SEMA4A: variants seen among roughly 807,000 people sequenced by gnomAD.
SEMA4A encodes semaphorin 4A.
A neutral mutation model predicts 72.5 loss-of-function variants in SEMA4A; 52 were observed. The ratio of observed to expected loss-of-function variants is 0.72; its 90% confidence interval spans 0.57 to 0.90. The LOEUF (loss-of-function observed/expected upper bound fraction) is 0.90, where lower values mean the gene tolerates loss of function less well. Among genes scored for constraint, SEMA4A ranks in the 40% least tolerant of loss-of-function variants. The pLI is 0.00. For missense variants in SEMA4A, 926 were observed against 959.7 expected, an observed-to-expected ratio of 0.96 and a Z score of 0.46; for synonymous variants, 369 against 393.1, an observed-to-expected ratio of 0.94 and a Z score of 0.73.
upstream of SEMA4A, among the ~76,000 whole-genome samples, chr1:156,148,026 A>G (rs73006726): frequency 0.021 from 3,220 of 152,290 alleles, 109 homozygotes; most frequent in African/African-American, 0.074. Context: ...GGAGGCCCCC[A>G]AAGTCCGGCT....
intron 11 of SEMA4A, among the ~76,000 whole-genome samples, 181 bp from the exon 12 acceptor site, chr1:156,174,641 T>C (rs944785639): frequency 1.3e-5 from 2 of 152,184 alleles, no homozygotes; most frequent in African/African-American, 2.4e-5. Context: ...CAAGGGATTT[T>C]AGTCATTTAC....
At chr1:156,170,452 T>TAC (rs1337458287) in intron 10 of SEMA4A, among the ~76,000 whole-genome samples, 4 of 47,040 alleles carry the variant, frequency 8.5e-5, no homozygotes, top group Admixed American at 3.1e-4. Flanking sequence ...AACAGAGCGA[T>TAC]ACTGTCTCAA....
At position 156,160,975 on chromosome 1, in the gene SEMA4A, C is replaced by G; in HGVS notation, c.756C>G (p.Ser252Arg). The G allele has an allele frequency of 6.2e-7, 1 of 1,612,460 alleles. No individual in the cohort carries two copies. Among genetic ancestry groups the G allele is most frequent in the South Asian group, 1.1e-5 (1 of 90,970 alleles). ...VVYFFFEETA[S>R]EFDFFERLHT... ...ACTTCTTCTTCGAGGAGACAGCCAGCGAGTTTGACTTCTTTGAGAGGCTCC... is the reference window on the plus strand; with the variant it reads ...ACTTCTTCTTCGAGGAGACAGCCAGGGAGTTTGACTTCTTTGAGAGGCTCC... Residue 252 changes from serine to arginine, a missense_variant, in exon 8 of 15, where the codon AGC becomes AGG. Coordinates refer to ENST00000368285, the MANE Select transcript of SEMA4A (RefSeq NM_022367.4).
rs555300408 is a variant in SEMA4A at position 156,177,105 on chromosome 1, C to A, written c.*108C>A. Reference sequence around the variant, plus strand: ...CAGCAGCACAAAAGACCACCTTTCTCCCCTGAGAGGAGCTTCTGCTACTCT... The same window carrying A: ...CAGCAGCACAAAAGACCACCTTTCTACCCTGAGAGGAGCTTCTGCTACTCT... On this transcript the variant is annotated 3_prime_UTR_variant, in exon 15 of 15. Transcript: ENST00000368285. The A allele has an allele frequency of 2.1e-6, 2 of 953,746 alleles. No homozygotes were observed. The highest frequency in any genetic ancestry group is 1.6e-5 in the African/African-American group (1 of 61,694). The allele number at this position is 953,746 out of a possible 1,614,324, so 59.1% of individuals were successfully genotyped here.
intron 14 of SEMA4A, 94 bp from the exon 15 acceptor site, chr1:156,176,311 A>AAT: frequency 1.0e-6 from 1 of 958,314 alleles, no homozygotes; most frequent in Non-Finnish European, 1.6e-6. Context: ...AAAAAAAAAA[A>AAT]GAGGGCTGGG....
Position 156,177,383 on chromosome 1 carries a change from T to TAAACAATC in SEMA4A, c.*388_*395dup. 1 of 325,966 alleles carries TAAACAATC rather than the reference T, an allele frequency of 3.1e-6. No individual in the cohort carries two copies. The highest frequency in any genetic ancestry group is 7.6e-5 in the East Asian group (1 of 13,186). 20.2% of individuals were successfully genotyped at this position (325,966 alleles called of 1,614,324 possible). A position where few individuals can be genotyped will look rare whatever the true frequency, so the allele number is the denominator to read the frequency against. On this transcript the variant is annotated 3_prime_UTR_variant, in exon 15 of 15. Transcript: ENST00000368285. ...CCTATGGTAATGAACACCAAACATC[T>TAAACAATC]AAACAATCATATGCTAACATGCCAC...
At chr1:156,170,927 AT>A (rs202200052) in intron 10 of SEMA4A, among the ~76,000 whole-genome samples, 1 of 151,152 alleles carries the variant, frequency 6.6e-6, no homozygotes, top group African/African-American at 2.4e-5. Flanking sequence ...TCAAAAAACA[AT>A]TTTTTAAAAA....
rs966349084 is a variant in SEMA4A, at chr1:156,176,916, C to A, written c.2205C>A (p.His735Gln). The change falls in exon 15 of 15, where the codon CAC (histidine) becomes CAA (glutamine). Residue 735 changes from histidine to glutamine, a missense_variant. Transcript: ENST00000368285. ...AGGCCCCGTTAAGCAGAGAGCAACA[C>A]CTCCAGTCTCCCAAGGAATGCAGGA... ...GEKAPLSREQ[H>Q]LQSPKECRTS... 2.5e-6 allele frequency: 4 copies of A among 1,614,246 alleles called. No homozygotes were observed. The highest frequency in any genetic ancestry group is 3.4e-6 in the Non-Finnish European group (4 of 1,180,050).
chr1:156,154,758 G>T, intron 2 of SEMA4A, 41 bp downstream of exon 2: 1 of 1,561,294 alleles, frequency 6.4e-7, no homozygotes, highest in East Asian at 2.3e-5. Context: ...TAGCAATAGA[G>T]AGCTGGAGGT....
chr1:156,169,406 T>C (rs1654483891), intron 10 of SEMA4A, among the ~76,000 whole-genome samples: 1 of 146,524 alleles, frequency 6.8e-6, no homozygotes, highest in Non-Finnish European at 1.5e-5. Flanking sequence ...TCTTTTCTTT[T>C]CTTTTTTTTT....
chr1:156,154,684 C>A lies in SEMA4A; in HGVS notation c.106C>A (p.Gln36Lys), dbSNP rs1325125549. 3 of 1,593,822 alleles carry A rather than the reference C, an allele frequency of 1.9e-6. No individual in the cohort carries two copies. The highest frequency in any genetic ancestry group is 3.6e-5 in the Admixed American group (2 of 55,886). The change falls in exon 2 of 15, where the codon CAG (glutamine) becomes AAG (lysine). Residue 36 changes from glutamine to lysine, a missense_variant. Transcript: ENST00000368285. ...LPTTTAGGGG[Q>K]GPMPRVRYYA... The stretch of plus-strand genomic sequence containing the variant: ...GACGACGACCGCGGGGGGAGGCGGG[C>A]AGGGGCCCATGCCCAGGGTCAGATA...
intron 7 of SEMA4A, 111 bp downstream of exon 7, chr1:156,160,670 G>T: frequency 9.3e-7 from 1 of 1,075,404 alleles, no homozygotes; most frequent in East Asian, 2.5e-5. Context: ...TAGGCGCAGG[G>T]GGTATATGGC....
chr1:156,175,741 TC>T, intron 14 of SEMA4A, 85 bp downstream of exon 14: 2 of 961,854 alleles, frequency 2.1e-6, no homozygotes, highest in African/African-American at 1.6e-5. Context: ...TCCAATTTCC[TC>T]CCCCAGCACC....
upstream of SEMA4A, among the ~76,000 whole-genome samples, chr1:156,151,627 G>A (rs572050591): frequency 6.6e-6 from 1 of 152,180 alleles, no homozygotes; most frequent in East Asian, 1.9e-4. Context: ...GAGGTCAGGA[G>A]TTTGAGAGCA....
At chr1:156,159,296 T>C (rs768013595) in intron 6 of SEMA4A, among the ~76,000 whole-genome samples, 8 of 152,106 alleles carry the variant, frequency 5.3e-5, no homozygotes, top group Non-Finnish European at 7.3e-5. Context: ...ATCGCGCCAC[T>C]GCACTCCAGC....
intron 12 of SEMA4A, 63 bp from the exon 13 acceptor site, chr1:156,175,023 C>T: frequency 6.2e-7 from 1 of 1,614,034 alleles, no homozygotes; most frequent in East Asian, 2.2e-5. Context: ...GGGCCTGCAC[C>T]AGCGTGCTGG....
At chr1:156,175,455 C>G in intron 13 of SEMA4A, 101 bp from the exon 14 acceptor site, 1 of 1,125,338 alleles carries the variant, frequency 8.9e-7, no homozygotes, top group Non-Finnish European at 1.3e-6. Context: ...CCTAGTCTCC[C>G]CTGGCCTACC....
chr1:156,169,892 G>T (rs1654542402), intron 10 of SEMA4A, among the ~76,000 whole-genome samples: 1 of 151,814 alleles, frequency 6.6e-6, no homozygotes, highest in South Asian at 2.1e-4. Context: ...GGGTGTGGTT[G>T]TATGTGCCTG....
Position 156,166,857 on chromosome 1 carries a change from A to C in SEMA4A, c.1134+3763A>C, listed in dbSNP as rs556222346. ...GGCAGAAGAATCTCTTGAACCCAGG[A>C]GGTGGAGGTTGCAGTGAGCCAAGAT... is the stretch of plus-strand genomic sequence containing the variant. On this transcript the variant is annotated intron_variant, in intron 10 of 14. Transcript: ENST00000368285. Among the ~76,000 whole-genome samples, 403 of 152,072 alleles carry C rather than the reference A, an allele frequency of 2.7e-3. 1 individual carries two copies. The highest frequency in any genetic ancestry group is 3.5e-3 in the Non-Finnish European group (235 of 67,996).
Sources: gnomAD v4.1 joint callset for allele counts (sites outside exome capture counted in the v4.1 genomes callset) on GRCh38, gnomAD v4.1.1 for gene constraint, MANE v1.5 for transcripts, NCBI Gene and HGNC (gene_info 2026-07-23, HGNC 2026-07-21) for gene names.